RPTOR: variants seen among roughly 807,000 people sequenced by gnomAD.
The protein encoded by RPTOR is regulatory-associated protein of mTOR.
A neutral mutation model predicts 169.9 loss-of-function variants in RPTOR; 21 were observed. The observed-to-expected ratio is 0.12, with a 90% CI of 0.09 to 0.18. The LOEUF is 0.18. Ranked by LOEUF, RPTOR falls within the 10% of genes least tolerant of loss-of-function variation. The pLI is 1.00. For synonymous variants in RPTOR, 732 were observed against 753.2 expected, an observed-to-expected ratio of 0.97 and a Z score of 0.46; for missense variants, 1,133 against 1,855.9, an observed-to-expected ratio of 0.61 and a Z score of 7.16.
rs6565489 is a variant in RPTOR, at chr17:80,909,364, A to T, written c.2520+435A>T. 1.6e-4 allele frequency among the ~76,000 whole-genome samples: 25 copies of T among 151,762 alleles called. No individual in the cohort carries two copies. The East Asian group carries it at 3.9e-3, about 24-fold the overall frequency. On this transcript the variant is annotated intron_variant, in intron 21 of 33. Coordinates refer to ENST00000306801, the MANE Select transcript of RPTOR (RefSeq NM_020761.3). ...CCAAAGTGCTGGGATTACAAGCGTG[A>T]GCCACTGCACCTGTTTTTTGTTTTT...
At chr17:80,792,200 G>T (rs1231933466) in intron 7 of RPTOR, among the ~76,000 whole-genome samples, 1 of 152,042 alleles carries the variant, frequency 6.6e-6, no homozygotes, top group Admixed American at 6.5e-5. Context: ...AAGAACTTTG[G>T]AGTTATTTTA....
intron 17 of RPTOR, 141 bp downstream of exon 17, chr17:80,885,289 G>A (rs2068232756): frequency 1.9e-6 from 2 of 1,061,910 alleles, no homozygotes; most frequent in South Asian, 1.7e-5. Context: ...ATCTTTACAT[G>A]TTTCATTCTC....
chr17:80,743,553 G>A, intron 5 of RPTOR: 2 of 627,318 alleles, frequency 3.2e-6, no homozygotes, highest in Non-Finnish European at 4.0e-6. Context: ...TCTTGGGAAA[G>A]GTGCCTGCGT....
intron 3 of RPTOR, among the ~76,000 whole-genome samples, chr17:80,685,615 ATATATATATATATTTTTTTTTTTTTTT>A (rs1365869537): frequency 8.8e-5 from 1 of 11,348 alleles, no homozygotes; most frequent in Non-Finnish European, 1.8e-4. Flanking sequence ...ATATATATAT[ATATATATATATATTTTTTTTTTTTTTT>A]TTTTTTTTTT....
intron 6 of RPTOR, among the ~76,000 whole-genome samples, chr17:80,768,242 G>A (rs552717086): frequency 1.3e-5 from 2 of 152,148 alleles, no homozygotes; most frequent in South Asian, 4.1e-4. Flanking sequence ...TTTACTGTTG[G>A]CTCACATTTC....
chr17:80,934,713 G>A (rs1414523088), intron 24 of RPTOR, among the ~76,000 whole-genome samples: 1 of 152,044 alleles, frequency 6.6e-6, no homozygotes, highest in Non-Finnish European at 1.5e-5. Flanking sequence ...AGAAAGTTTC[G>A]CTGGCAACTG....
chr17:80,636,914 A>G (rs937467525), intron 2 of RPTOR, among the ~76,000 whole-genome samples: 4 of 152,230 alleles, frequency 2.6e-5, no homozygotes, highest in African/African-American at 9.6e-5. Context: ...ACTGCCGGGC[A>G]TGTAGCCTTG....
At chr17:80,738,119 G>A (rs2066450173) in intron 5 of RPTOR, among the ~76,000 whole-genome samples, 2 of 152,222 alleles carry the variant, frequency 1.3e-5, no homozygotes, top group African/African-American at 4.8e-5. Context: ...ACAGGCCCAT[G>A]GAGGATGAGG....
chr17:80,581,489 CCGCACATCAGGCCAG>C (rs2065012888), intron 1 of RPTOR, among the ~76,000 whole-genome samples: 1 of 149,694 alleles, frequency 6.7e-6, no homozygotes, highest in Non-Finnish European at 1.5e-5. Flanking sequence ...GCAGTGGAGA[CCGCACATCAGGCCAG>C]TGCATGCCTG....
intron 6 of RPTOR, among the ~76,000 whole-genome samples, chr17:80,774,709 T>C (rs2066876773): frequency 6.6e-6 from 1 of 152,130 alleles, no homozygotes; most frequent in South Asian, 2.1e-4. Flanking sequence ...GGGACAGTAA[T>C]GGGGGCGGCC....
At chr17:80,642,763 G>A (rs2143594846) in intron 2 of RPTOR, among the ~76,000 whole-genome samples, 1 of 152,262 alleles carries the variant, frequency 6.6e-6, no homozygotes, top group South Asian at 2.1e-4. Flanking sequence ...ATGTAAAATA[G>A]CATTTTAAGA....
At chr17:80,909,190 C>G (rs772216568) in intron 21 of RPTOR, among the ~76,000 whole-genome samples, 1 of 151,994 alleles carries the variant, frequency 6.6e-6, no homozygotes, top group Non-Finnish European at 1.5e-5. Flanking sequence ...TTTCAGGATC[C>G]TCTGGTGTCT....
chr17:80,892,351 C>CAGG (rs1156900981), intron 18 of RPTOR, among the ~76,000 whole-genome samples: 1 of 152,130 alleles, frequency 6.6e-6, no homozygotes, highest in Non-Finnish European at 1.5e-5. Flanking sequence ...CTAGGAAGCC[C>CAGG]AGGAGGGGAG....
intron 2 of RPTOR, among the ~76,000 whole-genome samples, chr17:80,634,869 CAT>C (rs2065493104): frequency 1.4e-5 from 1 of 70,924 alleles, no homozygotes; most frequent in Non-Finnish European, 3.1e-5. Flanking sequence ...TGTGTGTGTG[CAT>C]ACTGTGTGCA....
intron 9 of RPTOR, among the ~76,000 whole-genome samples, chr17:80,837,398 G>A (rs2067576223): frequency 6.6e-6 from 1 of 152,160 alleles, no homozygotes; most frequent in South Asian, 2.1e-4. Flanking sequence ...CACCATCACA[G>A]CGCAGAGCTC....
chr17:80,595,378 G>T (rs1408169965), intron 1 of RPTOR, among the ~76,000 whole-genome samples: 1 of 152,244 alleles, frequency 6.6e-6, no homozygotes, highest in Non-Finnish European at 1.5e-5. Flanking sequence ...GCTTTCCATT[G>T]TGAGGACGTG....
At chr17:80,665,043 T>C (rs927962717) in intron 3 of RPTOR, among the ~76,000 whole-genome samples, 2 of 152,182 alleles carry the variant, frequency 1.3e-5, no homozygotes, top group African/African-American at 2.4e-5. Flanking sequence ...CTCTTTTTAA[T>C]CTGTCAATTA....
At chr17:80,649,499 G>C (rs2065623011) in intron 3 of RPTOR, among the ~76,000 whole-genome samples, 1 of 152,080 alleles carries the variant, frequency 6.6e-6, no homozygotes, top group South Asian at 2.1e-4. Flanking sequence ...TTGAGTTTCT[G>C]TGACAAGCTG....
intron 3 of RPTOR, among the ~76,000 whole-genome samples, chr17:80,701,387 C>T (rs2066099585): frequency 6.6e-6 from 1 of 152,122 alleles, no homozygotes; most frequent in South Asian, 2.1e-4. Context: ...TGTTTTGTTT[C>T]TCTGTATTTT....
Sources: allele counts gnomAD v4.1 joint callset (sites outside exome capture counted in the v4.1 genomes callset), GRCh38; gene constraint gnomAD v4.1.1; transcripts MANE v1.5; gene names NCBI Gene and HGNC (gene_info 2026-07-23, HGNC 2026-07-21).